SFI1: variants seen among roughly 807,000 people sequenced by gnomAD.
SFI1 encodes protein SFI1 homolog.
Under a neutral mutation model 207.5 loss-of-function variants are expected in SFI1, and 195 were observed. The observed-to-expected ratio is 0.94, with a 90% CI of 0.84 to 1.06. The LOEUF (loss-of-function observed/expected upper bound fraction) is 1.06. Among genes scored for constraint, SFI1 ranks in the 50% least tolerant of loss-of-function variants. SFI1 has a pLI of 0.00. For missense variants in SFI1, 1,634 were observed against 1,588.0 expected (o/e 1.03, Z -0.49); for synonymous variants, 630 against 598.9 (o/e 1.05, Z -0.76).
chr22:31,549,741 T>G (rs576823771), intron 5 of SFI1, among the ~76,000 whole-genome samples: 16 of 152,110 alleles, frequency 1.1e-4, no homozygotes, highest in African/African-American at 3.6e-4. Context: ...TCAGTGACAC[T>G]TTAAGGTATA....
chr22:31,519,115 A>G (rs1234198275), intron 2 of SFI1, among the ~76,000 whole-genome samples: 1 of 152,222 alleles, frequency 6.6e-6, no homozygotes, highest in Non-Finnish European at 1.5e-5. Context: ...TCATAAAAAT[A>G]CTACATATCA....
Position 31,604,850 on chromosome 22 carries a change from T to C in SFI1, c.1978-19T>C, listed in dbSNP as rs2068704219. ...AGTGTGGGCCCAAGAGCAGCCTCAG[T>C]CTTCCTTGTCCCCTACAGACTTACC... is the stretch of plus-strand genomic sequence containing the variant. On this transcript the variant is annotated intron_variant, in intron 19 of 32. Transcript: ENST00000400288. 1.2e-6 allele frequency: 2 copies of C among 1,607,622 alleles called. No individual in the cohort carries two copies. The highest frequency in any genetic ancestry group is 2.7e-5 in the African/African-American group (2 of 74,748).
chr22:31,513,866 A>G (rs1440141464), intron 2 of SFI1, among the ~76,000 whole-genome samples: 2 of 440 alleles, frequency 4.5e-3, no homozygotes, highest in African/African-American at 0.02. Flanking sequence ...GGCATGAGCC[A>G]CTGGCCCGGC....
chr22:31,599,940 C>T (rs1446338796), intron 15 of SFI1, among the ~76,000 whole-genome samples: 2 of 150,100 alleles, frequency 1.3e-5, no homozygotes, highest in African/African-American at 2.5e-5. Flanking sequence ...CCAGGCTGGT[C>T]TTGAACTTCT....
intron 8 of SFI1, among the ~76,000 whole-genome samples, chr22:31,561,799 G>C (rs2061732908): frequency 6.6e-6 from 1 of 152,196 alleles, no homozygotes; most frequent in South Asian, 2.1e-4. Flanking sequence ...GATTGTCTTA[G>C]AGTGTTCTTT....
At chr22:31,584,065 G>A in intron 13 of SFI1, 93 bp downstream of exon 13, 6 of 1,059,216 alleles carry the variant, frequency 5.7e-6, no homozygotes, top group Middle Eastern at 2.2e-4. Flanking sequence ...CTATGCGTTA[G>A]TGTGGCAGAT....
At chr22:31,510,625 G>T (rs2055356070) in intron 2 of SFI1, among the ~76,000 whole-genome samples, 1 of 151,810 alleles carries the variant, frequency 6.6e-6, no homozygotes, top group Admixed American at 6.6e-5. Flanking sequence ...TTAGAGATGG[G>T]GTTTTACCAT....
chr22:31,500,239 C>T (rs147709133), intron 1 of SFI1, among the ~76,000 whole-genome samples: 6 of 146,546 alleles, frequency 4.1e-5, no homozygotes, highest in Middle Eastern at 3.6e-3. Context: ...CGCTTGAACC[C>T]GGGAGCTGAG....
chr22:31,507,017 T>C (rs1223113411), intron 1 of SFI1, among the ~76,000 whole-genome samples: 1 of 152,078 alleles, frequency 6.6e-6, no homozygotes, highest in East Asian at 1.9e-4. Context: ...ACTTTAAAAT[T>C]CATATGGAAC....
intron 15 of SFI1, among the ~76,000 whole-genome samples, chr22:31,598,123 G>A (rs547823532): frequency 1.1e-4 from 17 of 150,970 alleles, no homozygotes; most frequent in Non-Finnish European, 2.5e-4. Flanking sequence ...GACTACAGGT[G>A]CCCACCACCA....
At chr22:31,530,419 G>A (rs1328269213) in intron 3 of SFI1, among the ~76,000 whole-genome samples, 1 of 145,974 alleles carries the variant, frequency 6.9e-6, no homozygotes, top group East Asian at 2.0e-4. Context: ...GAACCCAGGA[G>A]GCGGAGCTTG....
chr22:31,611,119 A>T, intron 22 of SFI1, 24 bp from the exon 23 acceptor site: 1 of 1,614,134 alleles, frequency 6.2e-7, no homozygotes, highest in Non-Finnish European at 8.5e-7. Context: ...CAAAACAGCA[A>T]ACTCTGACTT....
At chr22:31,568,385 C>T (rs935795277) in intron 8 of SFI1, among the ~76,000 whole-genome samples, 1 of 150,448 alleles carries the variant, frequency 6.6e-6, no homozygotes, top group East Asian at 1.9e-4. Flanking sequence ...AAAAATTAGC[C>T]GGGCATGGTG....
At chr22:31,577,242 C>CT (rs1241041645) in intron 10 of SFI1, among the ~76,000 whole-genome samples, 4 of 152,196 alleles carry the variant, frequency 2.6e-5, no homozygotes, top group African/African-American at 9.6e-5. Context: ...TGTGCAGAGT[C>CT]TAAGTCATAG....
chr22:31,613,030 G>A (rs959270763), intron 24 of SFI1, 112 bp from the exon 25 acceptor site: 9 of 1,119,006 alleles, frequency 8.0e-6, no homozygotes, highest in Non-Finnish European at 8.9e-6. Flanking sequence ...TGGAGGAAGT[G>A]GGAGCCTCGA....
At chr22:31,612,396 AAAATATATAT>A (rs1183081279) in intron 24 of SFI1, 281 of 95,658 alleles carry the variant, frequency 2.9e-3, no homozygotes, top group African/African-American at 0.011. Context: ...AAAAAAAAAA[AAAATATATAT>A]ATATATATAT....
rs1168176312 is a variant in SFI1 at position 31,606,342 on chromosome 22, G to A, written c.2069G>A (p.Arg690His). Reference protein sequence around the residue: ...NRQLLRGALRRWKENTMARVD... With the variant: ...NRQLLRGALRHWKENTMARVD... ...TGCATCTGCAGCGGGGCATTACGTCGCTGGAAAGAGAACACCATGGCCCGA... is the reference window on the plus strand; with the variant it reads ...TGCATCTGCAGCGGGGCATTACGTCACTGGAAAGAGAACACCATGGCCCGA... The change falls in exon 21 of 33, where the codon CGC (arginine) becomes CAC (histidine). Residue 690 changes from arginine to histidine, a missense_variant. Coordinates refer to ENST00000400288, the MANE Select transcript of SFI1 (RefSeq NM_001007467.3). 14 of 1,613,760 alleles carry A rather than the reference G, an allele frequency of 8.7e-6. No homozygotes were observed. In the Middle Eastern group the frequency reaches 5.0e-4, roughly 57 times the overall value.
chr22:31,546,255 T>G (rs1202563438), intron 4 of SFI1, among the ~76,000 whole-genome samples: 2 of 151,686 alleles, frequency 1.3e-5, no homozygotes, highest in South Asian at 2.1e-4. Flanking sequence ...CCTCCTACCT[T>G]GACCTCTGAA....
chr22:31,572,969 G>A (rs542006937), intron 8 of SFI1, 89 bp from the exon 9 acceptor site: 17 of 1,346,414 alleles, frequency 1.3e-5, no homozygotes, highest in South Asian at 6.8e-5. Flanking sequence ...CCTTTCCAGC[G>A]TGTGTGCCTT....
Sources: gnomAD v4.1 joint callset for allele counts (sites outside exome capture counted in the v4.1 genomes callset) on GRCh38, gnomAD v4.1.1 for gene constraint, MANE v1.5 for transcripts, NCBI Gene and HGNC (gene_info 2026-07-23, HGNC 2026-07-21) for gene names.